CMYA5: variants seen among roughly 807,000 people sequenced by gnomAD.
CMYA5 encodes the protein cardiomyopathy-associated protein 5.
Under a neutral mutation model 318.9 loss-of-function variants are expected in CMYA5, and 246 were observed. The ratio of observed to expected loss-of-function variants is 0.77; its 90% CI spans 0.70 to 0.86. The LOEUF is 0.86. CMYA5 is among the 40% of genes least tolerant of loss of function. CMYA5 has a pLI of 0.00. For missense variants in CMYA5, 4,589 were observed against 4,678.2 expected, an observed-to-expected ratio of 0.98 and a Z score of 0.56; for synonymous variants, 1,641 against 1,729.5, an observed-to-expected ratio of 0.95 and a Z score of 1.27.
At chr5:79,746,871 T>G (rs1828333229) in intron 4 of CMYA5, among the ~76,000 whole-genome samples, 2 of 143,282 alleles carry the variant, frequency 1.4e-5, no homozygotes, top group Non-Finnish European at 3.1e-5. Flanking sequence ...ATCCCACCCA[T>G]TCCCCCTCCC....
At chr5:79,692,475 A>G (rs1826987242) in intron 1 of CMYA5, among the ~76,000 whole-genome samples, 1 of 152,224 alleles carries the variant, frequency 6.6e-6, no homozygotes, top group South Asian at 2.1e-4. Context: ...CTCATCATTT[A>G]CATACACCAA....
intron 9 of CMYA5, among the ~76,000 whole-genome samples, chr5:79,787,868 C>T (rs1829108027): frequency 6.6e-6 from 1 of 152,124 alleles, no homozygotes. Flanking sequence ...TTTTCTGGTT[C>T]TCCATGTTAT....
chr5:79,789,715 A>G (rs1185163023), intron 10 of CMYA5, among the ~76,000 whole-genome samples: 8 of 152,190 alleles, frequency 5.3e-5, no homozygotes, highest in African/African-American at 1.9e-4. Context: ...GTGAGCCACC[A>G]TGCCTGGCCT....
In CMYA5 at chr5:79,737,932, A is replaced by T; in HGVS notation, c.9167A>T (p.Tyr3056Phe). 1 of 1,607,418 alleles carries T rather than the reference A, an allele frequency of 6.2e-7. No homozygotes were observed. The highest frequency in any genetic ancestry group is 8.5e-7 in the Non-Finnish European group (1 of 1,178,434). The change falls in exon 2 of 13, where the codon TAT (tyrosine) becomes TTT (phenylalanine). Residue 3056 changes from tyrosine to phenylalanine, a missense_variant. Around this residue, in one of 3 missense-constraint regions of CMYA5, gnomAD observed 2,431 missense variants for 2,495.1 expected, o/e 0.97. Transcript: ENST00000446378. The stretch of plus-strand genomic sequence containing the variant: ...AGTGAAGAGGATTATTTTGAAAAAT[A>T]TACTTTGATTGATTATAACATCTCC... ...IPSEEDYFEK[Y>F]TLIDYNISPD... is the part of the protein sequence containing the mutation.
At chr5:79,759,744 G>A (rs1345990830) in intron 7 of CMYA5, among the ~76,000 whole-genome samples, 1 of 152,082 alleles carries the variant, frequency 6.6e-6, no homozygotes, top group African/African-American at 2.4e-5. Context: ...TGCCCAATTT[G>A]TAATCAGGAA....
Position 79,731,685 on chromosome 5 carries a change from T to C in CMYA5, c.2920T>C (p.Ser974Pro). 1 of 1,613,946 alleles carries C rather than the reference T, an allele frequency of 6.2e-7. No homozygotes were observed. The highest frequency in any genetic ancestry group is 8.5e-7 in the Non-Finnish European group (1 of 1,179,882). Residue 974 changes from serine to proline, a missense_variant, in exon 2 of 13, where the codon TCT becomes CCT. This residue lies in a region of CMYA5 where 2,132 missense variants were observed against 2,131.3 expected (regional missense o/e 1.00). Transcript: ENST00000446378. ...EAEKREFECDSPICLTSPSEH... is the reference protein window; with the variant it reads ...EAEKREFECDPPICLTSPSEH... ...AGAGAAAAGAGAATTTGAGTGCGAT[T>C]CTCCAATATGTTTAACATCACCATC...
rs1256887140 is a variant in CMYA5 at position 79,729,160 on chromosome 5, G to A, written c.395G>A (p.Arg132Gln). 18 of 1,612,188 alleles carry A rather than the reference G, an allele frequency of 1.1e-5. No homozygotes were observed. Among genetic ancestry groups the A allele is most frequent in the African/African-American group, 5.3e-5 (4 of 74,890 alleles). ...SFIVDEVKKVRKRTHKSKHGS... is the reference protein window; with the variant it reads ...SFIVDEVKKVQKRTHKSKHGS... ...ATTGTGGATGAAGTGAAAAAGGTTC[G>A]GAAAAGGACTCATAAGTCAAAGCAT... Residue 132 changes from arginine (R) to glutamine (Q), a missense_variant, in exon 2 of 13, where the codon CGG (arginine) becomes CAG (glutamine). Arg to Gln is a conservative substitution (Grantham distance 43). Coordinates refer to ENST00000446378, the MANE Select transcript of CMYA5 (RefSeq NM_153610.5).
At chr5:79,772,027 AAAAAG>A (rs780608650) in intron 9 of CMYA5, among the ~76,000 whole-genome samples, 22 of 152,184 alleles carry the variant, frequency 1.4e-4, no homozygotes, top group Non-Finnish European at 2.5e-4. Flanking sequence ...AAAAAAAAGG[AAAAAG>A]AAAAGAAAAG....
chr5:79,775,870 A>G (rs1014400865), intron 9 of CMYA5, among the ~76,000 whole-genome samples: 3 of 152,188 alleles, frequency 2.0e-5, no homozygotes, highest in African/African-American at 4.8e-5. Context: ...AGGAGGGCCT[A>G]GAGAATCCAG....
At position 79,734,108 on chromosome 5, in the gene CMYA5, A is replaced by G. The variant is rs750725746; in HGVS notation, c.5343A>G (p.Gln1781=). ...PLPPTGNLKA[Q]VMGDILDKLS... ...CACCAACTGGAAATTTGAAGGCACAAGTCATGGGAGATATTTTAGATAAGC... is the reference window on the plus strand; with the variant it reads ...CACCAACTGGAAATTTGAAGGCACAGGTCATGGGAGATATTTTAGATAAGC... Residue 1781 remains glutamine (Q), a synonymous_variant, in exon 2 of 13, where the codon CAA becomes CAG. Transcript: ENST00000446378. 2.5e-6 allele frequency: 4 copies of G among 1,613,866 alleles called. No individual in the cohort carries two copies. Among genetic ancestry groups the G allele is most frequent in the Non-Finnish European group, 3.4e-6 (4 of 1,179,836 alleles).
intron 9 of CMYA5, among the ~76,000 whole-genome samples, chr5:79,778,837 A>ATGTGTGTGTGTGTGTGTGTGTT (rs1828996149): frequency 1.6e-5 from 1 of 61,568 alleles, no homozygotes. Flanking sequence ...GTGTGTGTGT[A>ATGTGTGTGTGTGTGTGTGTGTT]TGTTTATTCA....
rs367761412 is a variant in CMYA5, at chr5:79,726,415, G to A, written c.150-2500G>A. ...AGTTTTGTGGAATAGCTTTAATTAG[G>A]TATGTAAAAGAGCCTGAAAAAACAG... On this transcript the variant is annotated intron_variant, in intron 1 of 12. Coordinates refer to ENST00000446378, the MANE Select transcript of CMYA5 (RefSeq NM_153610.5). Among the ~76,000 whole-genome samples, 157 of 152,250 alleles carry A rather than the reference G, an allele frequency of 1.0e-3. 1 individual carries two copies. Among genetic ancestry groups the A allele is most frequent in the African/African-American group, 3.7e-3 (153 of 41,556 alleles).
chr5:79,763,631 C>G (rs1828698034), intron 9 of CMYA5, among the ~76,000 whole-genome samples: 1 of 152,072 alleles, frequency 6.6e-6, no homozygotes, highest in African/African-American at 2.4e-5. Flanking sequence ...CATTAAGGAG[C>G]TAATTACATG....
At chr5:79,776,291 T>C (rs1454382540) in intron 9 of CMYA5, among the ~76,000 whole-genome samples, 2 of 152,078 alleles carry the variant, frequency 1.3e-5, no homozygotes, top group African/African-American at 2.4e-5. Context: ...AAAAGAAAAA[T>C]AGTTCTGTTC....
chr5:79,799,635 T>C lies in CMYA5; in HGVS notation c.*19T>C, dbSNP rs753041257. The C allele has an allele frequency of 1.3e-6, 2 of 1,596,620 alleles. No individual in the cohort carries two copies. The highest frequency in any genetic ancestry group is 1.7e-6 in the Non-Finnish European group (2 of 1,168,120). ...CAAGTGATCCTTGGCTTTCAGAATT[T>C]GCAAGAACAGCGATTTGAATTTTGG... On this transcript the variant is annotated 3_prime_UTR_variant, in exon 13 of 13. Coordinates refer to ENST00000446378, the MANE Select transcript of CMYA5 (RefSeq NM_153610.5).
At chr5:79,762,528 A>G (rs1175333370) in intron 8 of CMYA5, 1 of 153,758 alleles carries the variant, frequency 6.5e-6, no homozygotes, top group East Asian at 1.9e-4. Flanking sequence ...GGAACCCCCA[A>G]AAGGTTTTAA....
chr5:79,793,720 G>A (rs2151101398), intron 12 of CMYA5, 110 bp downstream of exon 12: 2 of 958,652 alleles, frequency 2.1e-6, no homozygotes, highest in South Asian at 3.7e-5. Flanking sequence ...CTCAACTTCT[G>A]AGCCAACTAA....
chr5:79,706,666 A>T (rs1336400235), intron 1 of CMYA5, among the ~76,000 whole-genome samples: 1 of 152,002 alleles, frequency 6.6e-6, no homozygotes, highest in Non-Finnish European at 1.5e-5. Context: ...CTTTTCTGGG[A>T]TAGGAATCTT....
intron 1 of CMYA5, among the ~76,000 whole-genome samples, chr5:79,721,049 G>A (rs1459538464): frequency 2.6e-5 from 4 of 152,166 alleles, no homozygotes; most frequent in African/African-American, 9.7e-5. Context: ...TGGTCTTTGT[G>A]TTGTCTGGGA....
Sources: allele counts gnomAD v4.1 joint callset (sites outside exome capture counted in the v4.1 genomes callset), GRCh38; gene constraint gnomAD v4.1.1; regional missense constraint gnomAD v4.1.1; transcripts MANE v1.5; gene names NCBI Gene and HGNC (gene_info 2026-07-23, HGNC 2026-07-21).